The following SATB1 variants were observed in gnomAD, a reference collection of about 807,000 sequenced individuals.
SATB1 encodes DNA-binding protein SATB1.
In SATB1, 11 loss-of-function variants were observed where a neutral mutation model predicts 86.9. The ratio of observed to expected loss-of-function variants is 0.13; its 90% CI spans 0.08 to 0.21. The LOEUF (loss-of-function observed/expected upper bound fraction) is 0.21, where lower values mean the gene tolerates loss of function less well. Among genes scored for constraint, SATB1 ranks in the 10% least tolerant of loss-of-function variants. The pLI is 1.00. For missense variants in SATB1, 551 were observed against 937.6 expected (o/e 0.59, Z 5.39); for synonymous variants, 357 against 357.2 (o/e 1.00, Z 0.01).
intron 5 of SATB1, among the ~76,000 whole-genome samples, chr3:18,401,823 C>T (rs932811542): frequency 2.6e-5 from 4 of 152,134 alleles, no homozygotes; most frequent in African/African-American, 7.2e-5. Flanking sequence ...TGAGGAGCTT[C>T]GGTTCTTTCT....
intron 9 of SATB1, among the ~76,000 whole-genome samples, chr3:18,362,640 A>G (rs1027754387): frequency 6.6e-6 from 1 of 152,036 alleles, no homozygotes; most frequent in African/African-American, 2.4e-5. Flanking sequence ...GGCAAATAAA[A>G]TTATTATTTT....
intron 9 of SATB1, 97 bp downstream of exon 9, chr3:18,378,073 C>T (rs931292022): frequency 5.0e-5 from 52 of 1,048,042 alleles, no homozygotes; most frequent in African/African-American, 3.8e-4. Context: ...GAGGCCTCTC[C>T]GTGATGCAAG....
At chr3:18,363,665 G>A (rs956376373) in intron 9 of SATB1, among the ~76,000 whole-genome samples, 1 of 152,042 alleles carries the variant, frequency 6.6e-6, no homozygotes, top group Non-Finnish European at 1.5e-5. Flanking sequence ...CATTTGTGAG[G>A]GTAATATTGG....
chr3:18,384,473 T>A (rs9757408), intron 8 of SATB1, among the ~76,000 whole-genome samples: 118,845 of 149,294 alleles, frequency 0.8, 47,432 homozygotes, highest in East Asian at 0.9. Context: ...TTTTTTTTTT[T>A]AAAGCAGTTC....
chr3:18,389,518 C>T lies in SATB1; in HGVS notation c.1207-2907G>A, dbSNP rs184547858. Among the ~76,000 whole-genome samples the T allele has an allele frequency of 2.5e-3, 376 of 151,996 alleles. 5 individuals carry two copies. The South Asian group carries it at 0.039, about 16-fold the overall frequency. ...TATGCTGAATTCAAGATATATGTGG[C>T]CACCAGTTCCCATATCCTATAATTG... is the stretch of plus-strand genomic sequence containing the variant. On this transcript the variant is annotated intron_variant, in intron 7 of 10. Transcript: ENST00000338745.
intron 9 of SATB1, among the ~76,000 whole-genome samples, chr3:18,362,516 T>A (rs1254023015): frequency 6.6e-6 from 1 of 151,732 alleles, no homozygotes; most frequent in Non-Finnish European, 1.5e-5. Flanking sequence ...AGTAGCAAAG[T>A]CCAACAATCT....
At chr3:18,413,708 G>A (rs1047632540) in intron 5 of SATB1, among the ~76,000 whole-genome samples, 4 of 151,998 alleles carry the variant, frequency 2.6e-5, no homozygotes. Context: ...TTAGCTGTAG[G>A]TATAACTGAA....
chr3:18,415,386 CT>C, intron 4 of SATB1, 152 bp from the exon 5 acceptor site: 1 of 834,872 alleles, frequency 1.2e-6, no homozygotes, highest in Non-Finnish European at 1.9e-6. Context: ...TAGTTAATTA[CT>C]TTATACAACA....
chr3:18,388,810 G>A (rs1314550570), intron 7 of SATB1, among the ~76,000 whole-genome samples: 1 of 152,000 alleles, frequency 6.6e-6, no homozygotes, highest in African/African-American at 2.4e-5. Context: ...GATGTTATTT[G>A]GGAAACTTGA....
At chr3:18,371,361 A>G (rs1038124597) in intron 9 of SATB1, among the ~76,000 whole-genome samples, 2 of 152,198 alleles carry the variant, frequency 1.3e-5, no homozygotes, top group African/African-American at 2.4e-5. Flanking sequence ...CAGAGTAGTT[A>G]TATGTCTACT....
At chr3:18,411,283 C>A (rs950287590) in intron 5 of SATB1, among the ~76,000 whole-genome samples, 1 of 152,004 alleles carries the variant, frequency 6.6e-6, no homozygotes, top group Non-Finnish European at 1.5e-5. Context: ...CACGTGTGCA[C>A]GCGCGAGTAT....
At position 18,394,261 on chromosome 3, in the gene SATB1, C is replaced by A. The variant is rs1182369694; in HGVS notation, c.1206+201G>T. ...GGCCCTGAATTGGGATCAATCTGCA[C>A]ATAGGTTCCCTTGATTCAGAAGTAT... On this transcript the variant is annotated intron_variant, in intron 7 of 10. Coordinates refer to ENST00000338745, the MANE Select transcript of SATB1 (RefSeq NM_002971.6). The surrounding 1 kb of genome is among the most constrained non-coding windows in gnomAD (Gnocchi z 5.9). 6.6e-6 allele frequency among the ~76,000 whole-genome samples: 1 copy of A among 152,126 alleles called. No individual in the cohort carries two copies.
intron 8 of SATB1, among the ~76,000 whole-genome samples, chr3:18,379,346 A>G (rs566795258): frequency 6.6e-6 from 1 of 152,210 alleles, no homozygotes; most frequent in African/African-American, 2.4e-5. Flanking sequence ...TGGGAAACTG[A>G]TGAAAATATA....
intron 1 of SATB1, chr3:18,445,214 T>TC (rs930054425): frequency 1.0e-6 from 1 of 979,348 alleles, no homozygotes; most frequent in Non-Finnish European, 1.2e-6. Context: ...GCCCGGCTTC[T>TC]CCCCCTGGCG....
At chr3:18,392,544 T>TACACATATATACATATATATAC (rs1696731054) in intron 7 of SATB1, among the ~76,000 whole-genome samples, 1 of 148,508 alleles carries the variant, frequency 6.7e-6, no homozygotes, top group South Asian at 2.1e-4. Context: ...ACTATATATA[T>TACACATATATACATATATATAC]ACACATATAT....
intron 10 of SATB1, chr3:18,351,791 G>T: frequency 1.7e-6 from 1 of 583,330 alleles, no homozygotes; most frequent in Non-Finnish European, 3.0e-6. Context: ...TGGGAGATGA[G>T]GAAAGAGGAA....
intron 6 of SATB1, 99 bp downstream of exon 6, chr3:18,397,080 T>C (rs1313189314): frequency 4.0e-5 from 29 of 732,108 alleles, no homozygotes; most frequent in Non-Finnish European, 5.5e-5. Context: ...TGATCTCTAA[T>C]TGGGCAATCA....
chr3:18,368,762 T>C (rs1298693696), intron 9 of SATB1, among the ~76,000 whole-genome samples: 3 of 152,148 alleles, frequency 2.0e-5, no homozygotes, highest in Non-Finnish European at 2.9e-5. Context: ...GATATTTAAG[T>C]AGGCTATATC....
upstream of SATB1, among the ~76,000 whole-genome samples, chr3:18,443,029 A>C (rs1699280937): frequency 6.6e-6 from 1 of 152,230 alleles, no homozygotes; most frequent in South Asian, 2.1e-4. This position sits in a 1 kb window ranked among gnomAD's most constrained non-coding sequence, Gnocchi z 4.4. Flanking sequence ...TCAGACTTAA[A>C]GTATGGGTTT....
Sources: allele counts gnomAD v4.1 joint callset (sites outside exome capture counted in the v4.1 genomes callset), GRCh38; gene constraint gnomAD v4.1.1; non-coding constraint Gnocchi (gnomAD v3.1); transcripts MANE v1.5; gene names NCBI Gene and HGNC (gene_info 2026-07-23, HGNC 2026-07-21).